PHACTR1: variants seen among roughly 807,000 people sequenced by gnomAD.
PHACTR1 encodes the protein RPEL repeat containing 1.
PHACTR1 carries 16 observed loss-of-function variants against 69.2 expected under a neutral mutation model. The observed-to-expected ratio is 0.23, with a 90% CI of 0.16 to 0.35. The LOEUF is 0.35. PHACTR1 is among the 10% of genes least tolerant of loss of function. PHACTR1 has a pLI of 1.00. For synonymous variants in PHACTR1, 312 were observed against 284.5 expected (o/e 1.10, Z -0.97); for missense variants, 510 against 734.7 (o/e 0.69, Z 3.54).
intron 4 of PHACTR1, among the ~76,000 whole-genome samples, chr6:12,889,608 T>A (rs1323906124): frequency 1.3e-5 from 2 of 152,148 alleles, no homozygotes; most frequent in South Asian, 2.1e-4. Context: ...TCAGTGTTAT[T>A]TTTTTGGCCA....
intron 10 of PHACTR1, 126 bp downstream of exon 10, chr6:13,230,319 A>T: frequency 6.6e-7 from 1 of 1,510,590 alleles, no homozygotes; most frequent in African/African-American, 1.4e-5. Context: ...TGGGAGGCCG[A>T]GGCAGGTGGA....
In PHACTR1 at chr6:13,283,283, C is replaced by G; in HGVS notation, c.1510-139C>G. 2.6e-6 allele frequency: 2 copies of G among 773,026 alleles called. No individual in the cohort carries two copies. Among genetic ancestry groups the G allele is most frequent in the Non-Finnish European group, 4.0e-6 (2 of 502,188 alleles). 47.9% of individuals were successfully genotyped at this position (773,026 alleles called of 1,614,324 possible). On this transcript the variant is annotated intron_variant, in intron 12 of 14. Transcript: ENST00000332995. This position sits in a 1 kb window ranked among gnomAD's most constrained non-coding sequence, Gnocchi z 4.7. Reference sequence around the variant, plus strand: ...TCCCCCCACCCTGGCCCTCCCCCTGCCCCTGCCCCTCACTCACTATGCGAT... The same window carrying G: ...TCCCCCCACCCTGGCCCTCCCCCTGGCCCTGCCCCTCACTCACTATGCGAT...
chr6:13,267,240 A>G (rs1007227220), intron 10 of PHACTR1: 1 of 152,262 alleles, frequency 6.6e-6, no homozygotes, highest in African/African-American at 2.4e-5. Flanking sequence ...ACTGGCACTA[A>G]TAAGTAACTT....
At chr6:13,105,558 C>T (rs1461886910) in intron 5 of PHACTR1, among the ~76,000 whole-genome samples, 1 of 152,164 alleles carries the variant, frequency 6.6e-6, no homozygotes, top group Admixed American at 6.5e-5. Context: ...GCAAACCCCA[C>T]AAGTTGTAAG....
chr6:13,200,335 C>T (rs540450764), intron 7 of PHACTR1, among the ~76,000 whole-genome samples: 25 of 152,222 alleles, frequency 1.6e-4, no homozygotes, highest in East Asian at 1.4e-3. Flanking sequence ...CTCAGCCTCC[C>T]GAGTAGCTGG....
At chr6:12,882,903 G>C (rs1022809113) in intron 4 of PHACTR1, among the ~76,000 whole-genome samples, 1 of 152,174 alleles carries the variant, frequency 6.6e-6, no homozygotes, top group Non-Finnish European at 1.5e-5. Context: ...GATATAACAC[G>C]ACAGCTTTAT....
At chr6:13,248,491 T>A (rs553527410) in intron 10 of PHACTR1, among the ~76,000 whole-genome samples, 3 of 152,302 alleles carry the variant, frequency 2.0e-5, no homozygotes, top group African/African-American at 7.2e-5. Context: ...ATGGAACATG[T>A]TTTGAACTTG....
chr6:12,910,305 G>A (rs553228736), intron 4 of PHACTR1, among the ~76,000 whole-genome samples: 1 of 152,282 alleles, frequency 6.6e-6, no homozygotes, highest in African/African-American at 2.4e-5. Context: ...CCCCCAGGAT[G>A]CATTTGTCTC....
At chr6:12,857,646 T>A (rs1362441647) in intron 4 of PHACTR1, among the ~76,000 whole-genome samples, 1 of 151,658 alleles carries the variant, frequency 6.6e-6, no homozygotes, top group East Asian at 1.9e-4. Context: ...CACTCATTGG[T>A]GATGAAGACG....
chr6:13,094,685 A>G (rs1462183337), intron 5 of PHACTR1, among the ~76,000 whole-genome samples: 2 of 152,170 alleles, frequency 1.3e-5, no homozygotes, highest in Non-Finnish European at 2.9e-5. Context: ...TGGGAGCATA[A>G]AGTTGATAGG....
At chr6:12,982,133 G>T (rs954483809) in intron 4 of PHACTR1, among the ~76,000 whole-genome samples, 1 of 152,192 alleles carries the variant, frequency 6.6e-6, no homozygotes, top group Non-Finnish European at 1.5e-5. Flanking sequence ...TTGTAAGGTT[G>T]CTTTTCACCT....
intron 4 of PHACTR1, among the ~76,000 whole-genome samples, chr6:12,970,908 C>T (rs952222351): frequency 6.6e-6 from 1 of 152,074 alleles, no homozygotes; most frequent in African/African-American, 2.4e-5. Flanking sequence ...CATTTTATGC[C>T]GTGGGTAGCT....
chr6:13,200,079 A>G (rs1430714256), intron 7 of PHACTR1, among the ~76,000 whole-genome samples: 1 of 152,362 alleles, frequency 6.6e-6, no homozygotes, highest in East Asian at 1.9e-4. Context: ...ACATTGGTCC[A>G]GATGCTGGAT....
At chr6:13,159,581 C>T (rs1758680321) in intron 5 of PHACTR1, among the ~76,000 whole-genome samples, 1 of 152,176 alleles carries the variant, frequency 6.6e-6, no homozygotes, top group Non-Finnish European at 1.5e-5. Context: ...AGCGATGTGA[C>T]TCTGACAAGT....
chr6:12,892,659 C>G (rs970505292), intron 4 of PHACTR1, among the ~76,000 whole-genome samples: 1 of 152,170 alleles, frequency 6.6e-6, no homozygotes, highest in Non-Finnish European at 1.5e-5. Flanking sequence ...TTATAGACAT[C>G]TTTTTCCCCC....
chr6:12,797,278 A>G (rs757076369), intron 4 of PHACTR1, among the ~76,000 whole-genome samples: 3 of 152,182 alleles, frequency 2.0e-5, no homozygotes, highest in Non-Finnish European at 4.4e-5. Context: ...AAAAGATTCT[A>G]TAACAAAGAT....
chr6:13,191,678 A>G (rs896136161), intron 7 of PHACTR1, among the ~76,000 whole-genome samples: 4 of 152,184 alleles, frequency 2.6e-5, no homozygotes, highest in Non-Finnish European at 4.4e-5. Context: ...TTCCATATCA[A>G]AGGGCTGCTC....
intron 4 of PHACTR1, among the ~76,000 whole-genome samples, chr6:12,839,235 A>C (rs1778456479): frequency 6.6e-6 from 1 of 152,146 alleles, no homozygotes; most frequent in Non-Finnish European, 1.5e-5. Context: ...GTGGGTCTAA[A>C]TACTCTTTTC....
At chr6:12,780,326 T>C (rs1039449036) in intron 4 of PHACTR1, among the ~76,000 whole-genome samples, 5 of 151,892 alleles carry the variant, frequency 3.3e-5, no homozygotes, top group African/African-American at 7.3e-5. Flanking sequence ...TGCGTGTGCA[T>C]GTACATACCT....
Sources: allele counts gnomAD v4.1 joint callset (sites outside exome capture counted in the v4.1 genomes callset), GRCh38; gene constraint gnomAD v4.1.1; non-coding constraint Gnocchi (gnomAD v3.1); transcripts MANE v1.5; gene names NCBI Gene and HGNC (gene_info 2026-07-23, HGNC 2026-07-21).